The following APPL1 variants were observed in gnomAD, a reference collection of about 807,000 sequenced individuals.
APPL1 encodes adaptor protein, phosphotyrosine interacting with PH domain and leucine zipper 1.
APPL1 carries 42 observed loss-of-function variants against 106.8 expected under a neutral mutation model. The ratio of observed to expected loss-of-function variants is 0.39; its 90% CI spans 0.31 to 0.51. The LOEUF is 0.51. Among genes scored for constraint, APPL1 ranks in the 20% least tolerant of loss-of-function variants. APPL1 has a pLI of 0.75. For synonymous variants in APPL1, 263 were observed against 281.8 expected, an observed-to-expected ratio of 0.93 and a Z score of 0.67; for missense variants, 769 against 858.2, an observed-to-expected ratio of 0.90 and a Z score of 1.30.
intron 2 of APPL1, among the ~76,000 whole-genome samples, chr3:57,236,641 T>A (rs2060718278): frequency 6.6e-6 from 1 of 152,196 alleles, no homozygotes; most frequent in South Asian, 2.1e-4. Flanking sequence ...ACTTTCCCTT[T>A]TTCAGTGGAG....
intron 5 of APPL1, among the ~76,000 whole-genome samples, chr3:57,240,872 A>C (rs1160851404): frequency 6.6e-6 from 1 of 152,172 alleles, no homozygotes; most frequent in Non-Finnish European, 1.5e-5. Flanking sequence ...GCAAGGCTTT[A>C]CCCAAGGATG....
At chr3:57,267,867 A>C in intron 20 of APPL1, 75 bp downstream of exon 20, 2 of 1,474,246 alleles carry the variant, frequency 1.4e-6, no homozygotes, top group South Asian at 2.3e-5. Context: ...CGAGGCGGGC[A>C]GATGACTTGA....
chr3:57,244,225 G>GGGTT (rs2060761052), intron 7 of APPL1, among the ~76,000 whole-genome samples: 1 of 151,168 alleles, frequency 6.6e-6, no homozygotes, highest in African/African-American at 2.4e-5. Flanking sequence ...GCTCCGTCTC[G>GGGTT]GCTCACTGCA....
intron 20 of APPL1, 177 bp from the exon 21 acceptor site, chr3:57,268,221 C>A: frequency 1.6e-6 from 1 of 612,516 alleles, no homozygotes; most frequent in South Asian, 2.8e-5. Context: ...ATACTATTAC[C>A]AACATAGCAT....
At chr3:57,264,662 C>G (rs748761441) in intron 19 of APPL1, among the ~76,000 whole-genome samples, 1 of 151,584 alleles carries the variant, frequency 6.6e-6, no homozygotes, top group Non-Finnish European at 1.5e-5. Flanking sequence ...ATATGGATAT[C>G]CAGTTTTCCC....
chr3:57,268,851 A>G lies in APPL1; in HGVS notation c.1983+364A>G, dbSNP rs190364069. On this transcript the variant is annotated intron_variant, in intron 21 of 21. Transcript: ENST00000288266. ...AATATATATGTTATATGAAATATAT[A>G]ATGAAATGTATATTTTTAATATTGC... 460 of 153,384 alleles carry G rather than the reference A, an allele frequency of 3.0e-3. 1 individual carries two copies. The highest frequency in any genetic ancestry group is 0.01 in the African/African-American group (432 of 41,612). The allele number at this position is 153,384 out of a possible 1,614,324, so 9.5% of individuals were successfully genotyped here.
chr3:57,257,137 A>G, intron 14 of APPL1, 86 bp downstream of exon 14: 1 of 1,557,002 alleles, frequency 6.4e-7, no homozygotes, highest in Non-Finnish European at 8.8e-7. Context: ...ACTGAAACTT[A>G]AGACTTCTCA....
chr3:57,261,193 A>G (rs1312593444), intron 19 of APPL1, among the ~76,000 whole-genome samples: 2 of 152,118 alleles, frequency 1.3e-5, no homozygotes. Flanking sequence ...TCCCACATAC[A>G]AGTGAGAACA....
intron 13 of APPL1, among the ~76,000 whole-genome samples, chr3:57,254,384 T>A (rs1203304859): frequency 6.6e-6 from 1 of 152,176 alleles, no homozygotes; most frequent in East Asian, 1.9e-4. Context: ...AAACTTTAAG[T>A]AACATTTCAG....
chr3:57,264,665 G>A (rs1280853830), intron 19 of APPL1, among the ~76,000 whole-genome samples: 1 of 151,810 alleles, frequency 6.6e-6, no homozygotes, highest in Admixed American at 6.6e-5. Flanking sequence ...TGGATATCCA[G>A]TTTTCCCGGC....
In APPL1 at chr3:57,257,346, G is replaced by A. The variant is rs1428259650; in HGVS notation, c.1348G>A (p.Asp450Asn). ...ALSLDSLVAP[D>N]TPIQFDIISP... ...CTCTCTAGATTCTCTTGTTGCCCCA[G>A]ACACCCCAATACAGTTTGACATAAT... The change falls in exon 15 of 22, where the codon GAC becomes AAC. Residue 450 changes from aspartate to asparagine, a missense_variant. By Grantham distance (23) the Asp-to-Asn change is conservative. Transcript: ENST00000288266. 5.6e-6 allele frequency: 9 copies of A among 1,613,964 alleles called. No individual in the cohort carries two copies. The highest frequency in any genetic ancestry group is 7.6e-6 in the Non-Finnish European group (9 of 1,180,036).
intron 4 of APPL1, 124 bp downstream of exon 4, chr3:57,238,240 A>G: frequency 3.2e-6 from 2 of 630,556 alleles, no homozygotes; most frequent in Non-Finnish European, 2.6e-6. Context: ...TTAATTCCAC[A>G]TCCTGGTGGC....
intron 4 of APPL1, among the ~76,000 whole-genome samples, chr3:57,239,380 A>T (rs1457777246): frequency 2.0e-5 from 3 of 152,322 alleles, no homozygotes; most frequent in East Asian, 3.9e-4. Context: ...AAATGGACTC[A>T]TAATTTTAGA....
chr3:57,268,629 C>A, intron 21 of APPL1, 142 bp downstream of exon 21: 2 of 894,780 alleles, frequency 2.2e-6, no homozygotes, highest in South Asian at 3.1e-5. Flanking sequence ...CATACCATAG[C>A]AGAAAAGGGT....
chr3:57,266,850 T>TC (rs2060897053), intron 19 of APPL1, among the ~76,000 whole-genome samples: 2 of 152,224 alleles, frequency 1.3e-5, no homozygotes, highest in Non-Finnish European at 2.9e-5. Context: ...GAAGAGGATA[T>TC]CCCTTCCCCA....
Position 57,273,339 on chromosome 3 carries a change from G to C in APPL1, c.*3652G>C, listed in dbSNP as rs1238993157. 3.9e-5 allele frequency: 6 copies of C among 152,632 alleles called. No homozygotes were observed. Among genetic ancestry groups the C allele is most frequent in the African/African-American group, 1.4e-4 (6 of 41,460 alleles). The allele number at this position is 152,632 out of a possible 1,614,324, so 9.5% of individuals were successfully genotyped here. On this transcript the variant is annotated 3_prime_UTR_variant, in exon 22 of 22. Transcript: ENST00000288266. The stretch of plus-strand genomic sequence containing the variant: ...ATGTGATCATGGTATTGGTATACAT[G>C]TGGGGTGGAGAACTTATTTTTTCAT...
chr3:57,262,800 T>G (rs2060873624), intron 19 of APPL1, among the ~76,000 whole-genome samples: 1 of 151,556 alleles, frequency 6.6e-6, no homozygotes, highest in South Asian at 2.1e-4. Flanking sequence ...TTTCGTTTTT[T>G]GTGGGTACAA....
rs775302356 is a variant in APPL1, at chr3:57,268,514, T to C, written c.1983+27T>C. ...TATACAGTCCTAATGTCTGGATCTT[T>C]ATGTGTTGTTTGTGAAGACTTAATT... On this transcript the variant is annotated intron_variant, in intron 21 of 21. Coordinates refer to ENST00000288266, the MANE Select transcript of APPL1 (RefSeq NM_012096.3). 5 of 1,553,216 alleles carry C rather than the reference T, an allele frequency of 3.2e-6. No homozygotes were observed. The African/African-American group carries it at 6.9e-5, about 21-fold the overall frequency.
intron 11 of APPL1, among the ~76,000 whole-genome samples, chr3:57,249,892 A>C (rs1373253086): frequency 6.6e-6 from 1 of 152,148 alleles, no homozygotes; most frequent in Non-Finnish European, 1.5e-5. Context: ...TGGATCCATT[A>C]CTTACTGTGT....
Sources: gnomAD v4.1 joint callset for allele counts (sites outside exome capture counted in the v4.1 genomes callset) on GRCh38, gnomAD v4.1.1 for gene constraint, MANE v1.5 for transcripts, NCBI Gene and HGNC (gene_info 2026-07-23, HGNC 2026-07-21) for gene names.